The following NALF1 variants were observed in gnomAD, a reference collection of about 807,000 sequenced individuals.
The protein encoded by NALF1 is family with sequence similarity 155 member A.
Under a neutral mutation model 48.4 loss-of-function variants are expected in NALF1, and 3 were observed. The observed-to-expected ratio is 0.06, with a 90% CI of 0.03 to 0.16. The LOEUF (loss-of-function observed/expected upper bound fraction) is 0.16. Ranked by LOEUF, NALF1 falls within the 10% of genes least tolerant of loss-of-function variation. The pLI is 1.00. For synonymous variants in NALF1, 262 were observed against 245.7 expected, an observed-to-expected ratio of 1.07 and a Z score of -0.62; for missense variants, 526 against 571.5, an observed-to-expected ratio of 0.92 and a Z score of 0.81.
chr13:107,692,725 T>C (rs1422419316), intron 1 of NALF1, among the ~76,000 whole-genome samples: 1 of 152,176 alleles, frequency 6.6e-6, no homozygotes. Context: ...GCAGCTGACA[T>C]ATTTAAAAAT....
At chr13:107,769,327 TG>T (rs1877509158) in intron 1 of NALF1, among the ~76,000 whole-genome samples, 1 of 148,958 alleles carries the variant, frequency 6.7e-6, no homozygotes, top group African/African-American at 2.5e-5. Context: ...TAAGAAAATG[TG>T]GCACATATAC....
At chr13:107,736,811 A>G (rs1223476005) in intron 1 of NALF1, among the ~76,000 whole-genome samples, 3 of 152,218 alleles carry the variant, frequency 2.0e-5, no homozygotes, top group Non-Finnish European at 4.4e-5. Context: ...GAAAGGCTAC[A>G]ACAGAAGTGC....
At chr13:107,178,572 G>A (rs1286932219) in intron 2 of NALF1, among the ~76,000 whole-genome samples, 1 of 152,190 alleles carries the variant, frequency 6.6e-6, no homozygotes, top group Non-Finnish European at 1.5e-5. Context: ...TGGTGAGGTT[G>A]TGGGGAAAAG....
intron 1 of NALF1, among the ~76,000 whole-genome samples, chr13:107,354,004 A>T (rs1207625311): frequency 6.6e-6 from 1 of 152,236 alleles, no homozygotes; most frequent in Non-Finnish European, 1.5e-5. Context: ...ACTAGATGAG[A>T]CAGCCAAGGT....
At chr13:107,191,089 G>A (rs887629855) in intron 2 of NALF1, among the ~76,000 whole-genome samples, 13 of 152,134 alleles carry the variant, frequency 8.5e-5, no homozygotes, top group Admixed American at 2.6e-4. Context: ...TACAGGGCCA[G>A]GTAGAGTGGC....
At chr13:107,652,690 T>C (rs1473009342) in intron 1 of NALF1, among the ~76,000 whole-genome samples, 19 of 152,146 alleles carry the variant, frequency 1.2e-4, no homozygotes. Flanking sequence ...CCAAATTTCA[T>C]CATCTAACTC....
intron 1 of NALF1, among the ~76,000 whole-genome samples, chr13:107,764,895 C>T (rs1192674394): frequency 6.6e-6 from 1 of 152,166 alleles, no homozygotes; most frequent in East Asian, 1.9e-4. Flanking sequence ...AGTTTCCAGA[C>T]ATTGAACTGA....
chr13:107,280,750 T>C (rs1881371020), intron 1 of NALF1, among the ~76,000 whole-genome samples: 1 of 152,148 alleles, frequency 6.6e-6, no homozygotes, highest in East Asian at 1.9e-4. Flanking sequence ...AAACGGCAAA[T>C]AGTCTCGAAA....
intron 1 of NALF1, among the ~76,000 whole-genome samples, chr13:107,735,496 T>A (rs1365445258): frequency 2.0e-5 from 3 of 152,212 alleles, no homozygotes; most frequent in African/African-American, 7.2e-5. Flanking sequence ...CAGAAAAAAC[T>A]CACCTGTAAA....
intron 1 of NALF1, among the ~76,000 whole-genome samples, chr13:107,630,106 T>G (rs1879793177): frequency 6.6e-6 from 1 of 152,158 alleles, no homozygotes; most frequent in African/African-American, 2.4e-5. Context: ...AACACTAAGC[T>G]TGTGAGAGTT....
intron 1 of NALF1, among the ~76,000 whole-genome samples, chr13:107,213,855 C>T (rs959839099): frequency 1.3e-5 from 2 of 152,222 alleles, no homozygotes; most frequent in Admixed American, 6.5e-5. Context: ...GAATATACTG[C>T]GGCTAAGAGC....
In NALF1 at chr13:107,230,289, A is replaced by G. The variant is rs578216916; in HGVS notation, c.916-19534T>C. On this transcript the variant is annotated intron_variant, in intron 1 of 2. Coordinates refer to ENST00000375915, the MANE Select transcript of NALF1 (RefSeq NM_001080396.3). ...AATTCTAGATTTTAAACAGGAAGAA[A>G]AAAATGTATTCTACTCATAAAAGGT... Among the ~76,000 whole-genome samples the G allele has an allele frequency of 2.0e-5, 3 of 152,292 alleles. No homozygotes were observed. In the South Asian group the frequency reaches 6.2e-4, roughly 32 times the overall value.
Position 107,362,256 on chromosome 13 carries a change from T to C in NALF1, c.916-151501A>G, listed in dbSNP as rs1428760336. On this transcript the variant is annotated intron_variant, in intron 1 of 2. Coordinates refer to ENST00000375915, the MANE Select transcript of NALF1 (RefSeq NM_001080396.3). The surrounding 1 kb of genome is among the most constrained non-coding windows in gnomAD (Gnocchi z 4.6). ...TGATATTCATGTAAACAGGAAGGAA[T>C]AGTTGTATTCATTTTCTAGGGCGTG... is the stretch of plus-strand genomic sequence containing the variant. 2.0e-5 allele frequency among the ~76,000 whole-genome samples: 3 copies of C among 152,168 alleles called. No individual in the cohort carries two copies. The highest frequency in any genetic ancestry group is 4.8e-5 in the African/African-American group (2 of 41,450).
intron 1 of NALF1, among the ~76,000 whole-genome samples, chr13:107,306,741 A>G (rs1318281090): frequency 6.6e-6 from 1 of 152,160 alleles, no homozygotes; most frequent in East Asian, 1.9e-4. Flanking sequence ...AGGGAAGTGG[A>G]TCGCTTGAGC....
intron 1 of NALF1, among the ~76,000 whole-genome samples, chr13:107,267,631 T>C (rs146543047): frequency 6.6e-6 from 1 of 152,200 alleles, no homozygotes; most frequent in Non-Finnish European, 1.5e-5. Flanking sequence ...GAATCCTATA[T>C]GTACTGTTTT....
intron 1 of NALF1, among the ~76,000 whole-genome samples, chr13:107,498,265 A>C (rs1224097586): frequency 6.6e-6 from 1 of 150,920 alleles, no homozygotes; most frequent in African/African-American, 2.4e-5. Flanking sequence ...ATATCATGTC[A>C]AACCGTAGAA....
intron 1 of NALF1, among the ~76,000 whole-genome samples, chr13:107,593,244 C>T (rs148219995): frequency 2.6e-5 from 4 of 151,948 alleles, no homozygotes; most frequent in Non-Finnish European, 5.9e-5. Flanking sequence ...TATTCTAAAA[C>T]ATCTTATTTT....
chr13:107,209,325 G>A (rs186102972), intron 2 of NALF1, among the ~76,000 whole-genome samples: 7 of 152,164 alleles, frequency 4.6e-5, no homozygotes, highest in Non-Finnish European at 8.8e-5. Flanking sequence ...TGGCCAACAC[G>A]GTGAAACACC....
At chr13:107,852,346 C>T (rs1340620096) in intron 1 of NALF1, among the ~76,000 whole-genome samples, 1 of 152,104 alleles carries the variant, frequency 6.6e-6, no homozygotes, top group Non-Finnish European at 1.5e-5. Flanking sequence ...TTACCATTGC[C>T]ATATAATAAC....
Sources: allele counts gnomAD v4.1 joint callset (sites outside exome capture counted in the v4.1 genomes callset), GRCh38; gene constraint gnomAD v4.1.1; non-coding constraint Gnocchi (gnomAD v3.1); transcripts MANE v1.5; gene names NCBI Gene and HGNC (gene_info 2026-07-23, HGNC 2026-07-21).